The following GARNL3 variants were observed in gnomAD, a reference collection of about 807,000 sequenced individuals.
The protein encoded by GARNL3 is GTPase-activating Rap/Ran-GAP domain-like protein 3.
GARNL3 carries 63 observed loss-of-function variants against 125.0 expected under a neutral mutation model. The observed-to-expected ratio is 0.50, with a 90% CI of 0.41 to 0.62. The LOEUF (loss-of-function observed/expected upper bound fraction) is 0.62, where lower values mean the gene tolerates loss of function less well. GARNL3 is among the 20% of genes least tolerant of loss of function. The pLI is 0.00. For missense variants in GARNL3, 994 were observed against 1,244.0 expected, an observed-to-expected ratio of 0.80 and a Z score of 3.02; for synonymous variants, 439 against 457.5, an observed-to-expected ratio of 0.96 and a Z score of 0.52.
In GARNL3 at chr9:127,307,132, G is replaced by T. The variant is rs557800977; in HGVS notation, c.220-4504G>T. 3.9e-5 allele frequency among the ~76,000 whole-genome samples: 6 copies of T among 152,052 alleles called. No homozygotes were observed. In the South Asian group the frequency reaches 1.2e-3, roughly 32 times the overall value. On this transcript the variant is annotated intron_variant, in intron 2 of 27. Transcript: ENST00000373387. ...TGAATGAAACACTAAATTTTAGTTA[G>T]AACTTAGGGAAAATAAAGTTATATT...
intron 1 of GARNL3, chr9:127,225,222 G>A: frequency 3.2e-6 from 1 of 313,364 alleles, no homozygotes; most frequent in Non-Finnish European, 4.6e-6. Flanking sequence ...GGAGAGGGGC[G>A]GGACGTGGGC....
chr9:127,261,907 C>T (rs1487516553), upstream of GARNL3, among the ~76,000 whole-genome samples: 1 of 152,188 alleles, frequency 6.6e-6, no homozygotes, highest in Admixed American at 6.5e-5. Flanking sequence ...GGGATTGTCT[C>T]TTCATTGTGA....
chr9:127,277,970 C>A (rs2064000768), intron 1 of GARNL3, among the ~76,000 whole-genome samples: 1 of 152,222 alleles, frequency 6.6e-6, no homozygotes, highest in Non-Finnish European at 1.5e-5. Context: ...CCCAGCAGTA[C>A]TTGGCTCAGT....
At chr9:127,386,609 G>C (rs1564202217) in intron 24 of GARNL3, among the ~76,000 whole-genome samples, 1 of 152,222 alleles carries the variant, frequency 6.6e-6, no homozygotes, top group Non-Finnish European at 1.5e-5. Flanking sequence ...GGAATGGCTG[G>C]ATTTGGATAT....
chr9:127,335,571 G>A (rs1194130214), intron 10 of GARNL3, among the ~76,000 whole-genome samples: 1 of 152,188 alleles, frequency 6.6e-6, no homozygotes, highest in African/African-American at 2.4e-5. Flanking sequence ...GCATGCGTGT[G>A]TATGTGTAAA....
chr9:127,304,530 CTTTTTTTT>C (rs61493807), intron 2 of GARNL3, among the ~76,000 whole-genome samples: 1 of 99,220 alleles, frequency 1.0e-5, no homozygotes, highest in Non-Finnish European at 1.9e-5. Flanking sequence ...TGGCTTTATT[CTTTTTTTT>C]TTTTTTTTTT....
chr9:127,378,466 A>G (rs1361406706), intron 22 of GARNL3, among the ~76,000 whole-genome samples: 2 of 151,900 alleles, frequency 1.3e-5, no homozygotes, highest in East Asian at 3.9e-4. Flanking sequence ...CCGTGCCTGT[A>G]ATCCCAGCTA....
chr9:127,365,129 A>G (rs1831213636), intron 21 of GARNL3, 171 bp from the exon 22 acceptor site: 1 of 607,570 alleles, frequency 1.6e-6, no homozygotes, highest in African/African-American at 1.9e-5. Flanking sequence ...CTTCCATTGT[A>G]TTATAATCCC....
At chr9:127,357,962 C>A (rs368585382) in intron 21 of GARNL3, among the ~76,000 whole-genome samples, 3 of 152,216 alleles carry the variant, frequency 2.0e-5, no homozygotes, top group African/African-American at 7.2e-5. Flanking sequence ...CTCCCTACCC[C>A]CTTAAAAACC....
At chr9:127,310,815 A>C (rs2065074382) in intron 2 of GARNL3, among the ~76,000 whole-genome samples, 1 of 151,924 alleles carries the variant, frequency 6.6e-6, no homozygotes, top group Admixed American at 6.6e-5. Flanking sequence ...ATTAAATTGT[A>C]AGGAGGCAAT....
At chr9:127,299,113 G>A (rs1564894256) in intron 2 of GARNL3, among the ~76,000 whole-genome samples, 1 of 152,062 alleles carries the variant, frequency 6.6e-6, no homozygotes, top group Non-Finnish European at 1.5e-5. Context: ...CCAGGAGACT[G>A]AGACCATCCT....
intron 13 of GARNL3, among the ~76,000 whole-genome samples, chr9:127,340,308 G>A (rs755639801): frequency 1.3e-5 from 2 of 152,116 alleles, no homozygotes; most frequent in Non-Finnish European, 2.9e-5. Flanking sequence ...CCAAATACCC[G>A]ACTCTGAGGC....
chr9:127,377,382 A>G (rs1425925863), intron 22 of GARNL3, among the ~76,000 whole-genome samples: 1 of 152,220 alleles, frequency 6.6e-6, no homozygotes, highest in Non-Finnish European at 1.5e-5. Flanking sequence ...TTAGTTCTAA[A>G]TAAATTAAAA....
At chr9:127,322,474 C>T (rs35521647) in intron 6 of GARNL3, among the ~76,000 whole-genome samples, 28 of 152,016 alleles carry the variant, frequency 1.8e-4, no homozygotes, top group Non-Finnish European at 3.7e-4. Context: ...TTTTACCAAA[C>T]AAAAGGTACT....
intron 2 of GARNL3, among the ~76,000 whole-genome samples, chr9:127,302,067 A>T (rs989498476): frequency 6.7e-6 from 1 of 149,550 alleles, no homozygotes; most frequent in Non-Finnish European, 1.5e-5. Flanking sequence ...CTCAGCCTCC[A>T]GAGTAGCTGG....
chr9:127,305,403 A>AT (rs1229076170), intron 2 of GARNL3, among the ~76,000 whole-genome samples: 2 of 151,720 alleles, frequency 1.3e-5, no homozygotes, highest in Non-Finnish European at 2.9e-5. Flanking sequence ...TCCTGCATGT[A>AT]TTTTTGTCTT....
intron 2 of GARNL3, among the ~76,000 whole-genome samples, chr9:127,251,348 TC>T (rs61477961): frequency 0.073 from 11,131 of 152,178 alleles, 1,359 homozygotes; most frequent in African/African-American, 0.25. Flanking sequence ...TTGAAGAACA[TC>T]CCCCCTTCCC....
At position 127,383,538 on chromosome 9, in the gene GARNL3, T is replaced by A; in HGVS notation, c.2262T>A (p.Tyr754Ter). 1 of 1,607,396 alleles carries A rather than the reference T, an allele frequency of 6.2e-7. No individual in the cohort carries two copies. Among genetic ancestry groups the A allele is most frequent in the Non-Finnish European group, 8.5e-7 (1 of 1,175,616 alleles). ...DFQFCWNQAP[Y>*]AIVCAFPYLL... ...AGTTCTGTTGGAACCAGGCTCCCTA[T>A]GCAATTGGTAAGAAAAGTCTTTATC... Residue 754 changes from tyrosine to a stop codon, truncating the protein, a stop_gained, in exon 23 of 28, where the codon TAT becomes TAA. Coordinates refer to ENST00000373387, the MANE Select transcript of GARNL3 (RefSeq NM_032293.5). LOFTEE classifies it high-confidence loss of function.
rs564126468 is a variant in GARNL3 at position 127,381,685 on chromosome 9, C to T, written c.2162-1753C>T. On this transcript the variant is annotated intron_variant, in intron 22 of 27. Coordinates refer to ENST00000373387, the MANE Select transcript of GARNL3 (RefSeq NM_032293.5). ...GATCTCGGCTCACTGCAAGCTCCGCCTCCCGGGTTCACACCATTCTCCTGC... is the reference window on the plus strand; with the variant it reads ...GATCTCGGCTCACTGCAAGCTCCGCTTCCCGGGTTCACACCATTCTCCTGC... Among the ~76,000 whole-genome samples the T allele has an allele frequency of 2.7e-3, 417 of 152,242 alleles. 4 individuals are homozygous for T. The highest frequency in any genetic ancestry group is 9.7e-3 in the African/African-American group (401 of 41,538).
Sources: allele counts gnomAD v4.1 joint callset (sites outside exome capture counted in the v4.1 genomes callset), GRCh38; gene constraint gnomAD v4.1.1; transcripts MANE v1.5; gene names NCBI Gene and HGNC (gene_info 2026-07-23, HGNC 2026-07-21).